SCMH1: variants seen among roughly 807,000 people sequenced by gnomAD.
SCMH1 encodes Scm polycomb group protein homolog 1.
Under a neutral mutation model 70.8 loss-of-function variants are expected in SCMH1, and 37 were observed. The observed-to-expected ratio is 0.52, with a 90% CI of 0.40 to 0.69. SCMH1 has a LOEUF of 0.69. Ranked by LOEUF, SCMH1 falls within the 30% of genes least tolerant of loss-of-function variation. SCMH1 has a pLI of 0.00. For synonymous variants in SCMH1, 292 were observed against 307.4 expected (o/e 0.95, Z 0.52); for missense variants, 607 against 827.3 (o/e 0.73, Z 3.27).
chr1:41,184,655 CAG>C (rs979000216), intron 2 of SCMH1, among the ~76,000 whole-genome samples: 11 of 152,000 alleles, frequency 7.2e-5, no homozygotes, highest in African/African-American at 2.4e-4. Context: ...AAGCAGATGT[CAG>C]AGAGAGACTT....
Position 41,028,743 on chromosome 1 carries a change from C to T in SCMH1, c.1679-17G>A. ...GGTCCGACCCTGCAGGACAGGAGGG[C>T]ACCTACCATAAAGGGCGGGGACTGG... On this transcript the variant is annotated splice_polypyrimidine_tract_variant and intron_variant, in intron 13 of 14. Transcript: ENST00000337495. 1 of 1,613,266 alleles carries T rather than the reference C, an allele frequency of 6.2e-7. No homozygotes were observed. The highest frequency in any genetic ancestry group is 8.5e-7 in the Non-Finnish European group (1 of 1,179,628).
intron 8 of SCMH1, among the ~76,000 whole-genome samples, chr1:41,085,696 A>G (rs780660267): frequency 6.6e-6 from 1 of 152,214 alleles, no homozygotes; most frequent in Non-Finnish European, 1.5e-5. Flanking sequence ...CTGTAAATAT[A>G]AAATGCACAC....
chr1:41,034,828 C>T (rs1262424632), intron 13 of SCMH1, among the ~76,000 whole-genome samples: 1 of 152,140 alleles, frequency 6.6e-6, no homozygotes, highest in African/African-American at 2.4e-5. Context: ...ACCATTGGCT[C>T]TTCCTTCTCA....
chr1:41,238,245 T>C (rs1288532291), intron 1 of SCMH1, among the ~76,000 whole-genome samples: 1 of 152,084 alleles, frequency 6.6e-6, no homozygotes, highest in African/African-American at 2.4e-5. Context: ...CCACTAATGA[T>C]CATCAGAGGA....
At chr1:41,094,444 G>A (rs1450055567) in intron 8 of SCMH1, among the ~76,000 whole-genome samples, 1 of 152,160 alleles carries the variant, frequency 6.6e-6, no homozygotes, top group Non-Finnish European at 1.5e-5. Flanking sequence ...TGCTGTGAAA[G>A]GGTCTTGGGG....
chr1:41,048,822 G>A (rs1291585716), exon 11 of SCMH1: 2 of 1,614,064 alleles, frequency 1.2e-6, no homozygotes, highest in East Asian at 4.5e-5. Context: ...AAATGGTCAG[G>A]GAGTTGCTGG....
chr1:41,180,472 T>A (rs1029002182), intron 2 of SCMH1, among the ~76,000 whole-genome samples: 1 of 152,214 alleles, frequency 6.6e-6, no homozygotes, highest in Non-Finnish European at 1.5e-5. Context: ...AACCCCATCG[T>A]TAAGCTGATA....
chr1:41,048,492 G>A (rs1365358095), intron 11 of SCMH1, among the ~76,000 whole-genome samples, 198 bp downstream of exon 11: 1 of 152,162 alleles, frequency 6.6e-6, no homozygotes, highest in Non-Finnish European at 1.5e-5. Flanking sequence ...AGCAGAATCT[G>A]TGGGTATTCT....
At chr1:41,199,897 T>C (rs1380780292) in intron 1 of SCMH1, among the ~76,000 whole-genome samples, 1 of 152,168 alleles carries the variant, frequency 6.6e-6, no homozygotes, top group Non-Finnish European at 1.5e-5. Flanking sequence ...CAAAGAAAGA[T>C]TGATTTCAAA....
chr1:41,090,568 T>C (rs1663121191), intron 8 of SCMH1, among the ~76,000 whole-genome samples: 1 of 152,076 alleles, frequency 6.6e-6, no homozygotes. Flanking sequence ...AGGTGATTGA[T>C]ATCCCAATAA....
intron 8 of SCMH1, among the ~76,000 whole-genome samples, chr1:41,112,599 A>G (rs1470708713): frequency 1.3e-5 from 2 of 152,032 alleles, no homozygotes; most frequent in Non-Finnish European, 2.9e-5. Flanking sequence ...TGATATAGTT[A>G]TAATATAGAA....
At chr1:41,216,543 A>G (rs888889479) in intron 1 of SCMH1, among the ~76,000 whole-genome samples, 1 of 152,182 alleles carries the variant, frequency 6.6e-6, no homozygotes, top group South Asian at 2.1e-4. Context: ...TGTAAAAGTA[A>G]AGCCTCCATC....
chr1:41,043,158 A>G (rs1044363729), intron 12 of SCMH1: 5 of 152,212 alleles, frequency 3.3e-5, no homozygotes, highest in African/African-American at 4.8e-5. Context: ...CAGTGGCACA[A>G]TCTTGGCTCA....
intron 13 of SCMH1, among the ~76,000 whole-genome samples, chr1:41,036,303 C>A (rs1010861679): frequency 6.6e-6 from 1 of 152,190 alleles, no homozygotes; most frequent in Non-Finnish European, 1.5e-5. Context: ...TGGGCTCCCC[C>A]ACCTTCCTTC....
intron 9 of SCMH1, among the ~76,000 whole-genome samples, chr1:41,073,048 T>C (rs1262612433): frequency 5.9e-5 from 9 of 152,144 alleles, no homozygotes; most frequent in Non-Finnish European, 1.3e-4. Flanking sequence ...AAAAGGACTT[T>C]GGTTACTACG....
chr1:41,100,874 T>A (rs1281589715), intron 8 of SCMH1, among the ~76,000 whole-genome samples: 1 of 152,152 alleles, frequency 6.6e-6, no homozygotes, highest in African/African-American at 2.4e-5. Context: ...AGTATAGTCC[T>A]TTTTAAAGGG....
At chr1:41,171,452 T>C (rs541012978) in intron 2 of SCMH1, among the ~76,000 whole-genome samples, 77 of 152,050 alleles carry the variant, frequency 5.1e-4, no homozygotes, top group African/African-American at 1.7e-3. Context: ...GATCTTAACA[T>C]GCATCATCCT....
intron 2 of SCMH1, among the ~76,000 whole-genome samples, chr1:41,165,411 G>C (rs772279314): frequency 6.6e-6 from 1 of 152,084 alleles, no homozygotes; most frequent in Non-Finnish European, 1.5e-5. Flanking sequence ...CCAGTAGTGG[G>C]ATTGATGCAT....
chr1:41,147,583 T>C (rs1378717594), intron 5 of SCMH1, among the ~76,000 whole-genome samples: 3 of 152,150 alleles, frequency 2.0e-5, no homozygotes, highest in Non-Finnish European at 4.4e-5. Flanking sequence ...TCAAATCCAC[T>C]ATATATTTGC....
Sources: gnomAD v4.1 joint callset for allele counts (sites outside exome capture counted in the v4.1 genomes callset) on GRCh38, gnomAD v4.1.1 for gene constraint, MANE v1.5 for transcripts, NCBI Gene and HGNC (gene_info 2026-07-23, HGNC 2026-07-21) for gene names.